The following DSCAML1 variants were observed in gnomAD, a reference collection of about 807,000 sequenced individuals.
DSCAML1 encodes the protein DS cell adhesion molecule like 1.
In DSCAML1, 38 loss-of-function variants were observed where a neutral mutation model predicts 200.5. That is an observed-to-expected ratio of 0.19 (90% CI 0.15 to 0.25). The LOEUF (loss-of-function observed/expected upper bound fraction) is 0.25. Among genes scored for constraint, DSCAML1 ranks in the 10% least tolerant of loss-of-function variants. DSCAML1 has a pLI of 1.00. For missense variants in DSCAML1, 2,223 were observed against 2,858.8 expected, an observed-to-expected ratio of 0.78 and a Z score of 5.07; for synonymous variants, 1,215 against 1,165.0, an observed-to-expected ratio of 1.04 and a Z score of -0.87.
chr11:117,443,384 C>G (rs1167803577), intron 21 of DSCAML1, among the ~76,000 whole-genome samples: 1 of 152,250 alleles, frequency 6.6e-6, no homozygotes, highest in African/African-American at 2.4e-5. Context: ...GATTCTAGCC[C>G]AGAGCCTTCC....
chr11:117,631,955 C>G (rs574644867), intron 3 of DSCAML1, among the ~76,000 whole-genome samples: 1 of 152,180 alleles, frequency 6.6e-6, no homozygotes, highest in Admixed American at 6.5e-5. Flanking sequence ...CTTAGAGGAG[C>G]GGCAAAGCCT....
At chr11:117,765,515 C>T (rs1212476851) in intron 3 of DSCAML1, among the ~76,000 whole-genome samples, 1 of 152,160 alleles carries the variant, frequency 6.6e-6, no homozygotes, top group Non-Finnish European at 1.5e-5. Flanking sequence ...AATGCTCACA[C>T]CTACGATCAC....
chr11:117,566,986 C>T (rs996410268), intron 3 of DSCAML1, among the ~76,000 whole-genome samples: 11 of 152,012 alleles, frequency 7.2e-5, no homozygotes, highest in African/African-American at 2.7e-4. Context: ...CATTGTTGGA[C>T]ATTTGGGTTG....
chr11:117,795,669 G>C (rs1382860569), intron 1 of DSCAML1, among the ~76,000 whole-genome samples: 1 of 152,228 alleles, frequency 6.6e-6, no homozygotes, highest in Non-Finnish European at 1.5e-5. Context: ...AATGCCAGCA[G>C]TATCTGGGCC....
upstream of DSCAML1, among the ~76,000 whole-genome samples, chr11:117,799,082 C>G (rs563974558): frequency 8.6e-4 from 131 of 152,272 alleles, no homozygotes; most frequent in African/African-American, 2.9e-3. Context: ...TGAGCCTTCC[C>G]CGAGGTCACG....
chr11:117,638,157 A>G (rs1284133539), intron 3 of DSCAML1, among the ~76,000 whole-genome samples: 1 of 152,180 alleles, frequency 6.6e-6, no homozygotes, highest in Non-Finnish European at 1.5e-5. Flanking sequence ...GTCAGTAAAC[A>G]TTATGAAGAG....
At chr11:117,574,684 C>A (rs2137444497) in intron 3 of DSCAML1, among the ~76,000 whole-genome samples, 1 of 152,318 alleles carries the variant, frequency 6.6e-6, no homozygotes, top group South Asian at 2.1e-4. Flanking sequence ...CAGGCCTGGA[C>A]TCAATGAGGA....
chr11:117,538,415 G>A (rs1267474673), intron 3 of DSCAML1, among the ~76,000 whole-genome samples: 1 of 152,164 alleles, frequency 6.6e-6, no homozygotes, highest in Non-Finnish European at 1.5e-5. Flanking sequence ...ATGAAGGGCC[G>A]GAGTAGCTGA....
At chr11:117,520,479 T>A (rs1205215443) in intron 6 of DSCAML1, among the ~76,000 whole-genome samples, 1 of 152,110 alleles carries the variant, frequency 6.6e-6, no homozygotes, top group Admixed American at 6.5e-5. Context: ...ACTGAAATTC[T>A]AGTAATTTCC....
chr11:117,499,919 C>T (rs1399435288), intron 11 of DSCAML1, among the ~76,000 whole-genome samples: 1 of 152,238 alleles, frequency 6.6e-6, no homozygotes, highest in Non-Finnish European at 1.5e-5. Flanking sequence ...CATCCAGACC[C>T]TCGGACTCCT....
chr11:117,793,171 G>C (rs368607896), intron 1 of DSCAML1, among the ~76,000 whole-genome samples: 1 of 152,166 alleles, frequency 6.6e-6, no homozygotes, highest in Non-Finnish European at 1.5e-5. Context: ...ATGCAAATCT[G>C]GGGTGTGCCC....
intron 3 of DSCAML1, among the ~76,000 whole-genome samples, chr11:117,726,266 C>T (rs4989508): frequency 0.77 from 112,283 of 145,668 alleles, 45,765 homozygotes; most frequent in Non-Finnish European, 0.9. Flanking sequence ...TGTGTGTGTG[C>T]GTGTGTGTGT....
chr11:117,811,685 G>A (rs865832645), intron 1 of DSCAML1, among the ~76,000 whole-genome samples: 1,978 of 152,016 alleles, frequency 0.013, 42 homozygotes, highest in African/African-American at 0.046. Flanking sequence ...CACTCCCAGA[G>A]CCCCTGGAAC....
upstream of DSCAML1, chr11:117,801,545 G>A (rs1333939426): frequency 6.6e-6 from 1 of 152,190 alleles, no homozygotes; most frequent in Admixed American, 6.5e-5. Flanking sequence ...TTCTTGAGAT[G>A]AGATGAATCA....
At chr11:117,432,242 A>C in intron 30 of DSCAML1, 110 bp downstream of exon 30, 1 of 1,265,928 alleles carries the variant, frequency 7.9e-7, no homozygotes, top group Middle Eastern at 2.8e-4. Context: ...TTTGCATTCT[A>C]TTCCATTAAG....
At chr11:117,802,010 G>A (rs903983545), upstream of DSCAML1, 1 of 152,262 alleles carries the variant, frequency 6.6e-6, no homozygotes, top group African/African-American at 2.4e-5. Context: ...TCTCTCTGGG[G>A]AGCAGTGGGG....
chr11:117,486,399 CGGATG>C (rs2049062612), intron 11 of DSCAML1, among the ~76,000 whole-genome samples: 2 of 150,656 alleles, frequency 1.3e-5, no homozygotes, highest in South Asian at 4.3e-4. Context: ...GTGAAAGTGG[CGGATG>C]GGAAAGTGGC....
intron 3 of DSCAML1, among the ~76,000 whole-genome samples, chr11:117,680,286 C>G (rs1565870752): frequency 6.6e-6 from 1 of 152,208 alleles, no homozygotes. Context: ...AGAACCCATG[C>G]CTTCCAGCCC....
chr11:117,804,152 G>A (rs2055687619), intron 1 of DSCAML1, among the ~76,000 whole-genome samples: 1 of 152,250 alleles, frequency 6.6e-6, no homozygotes, highest in Admixed American at 6.5e-5. Flanking sequence ...CGGCTCCTGG[G>A]GTGCCCCAGT....
Sources: allele counts gnomAD v4.1 joint callset (sites outside exome capture counted in the v4.1 genomes callset), GRCh38; gene constraint gnomAD v4.1.1; transcripts MANE v1.5; gene names NCBI Gene and HGNC (gene_info 2026-07-23, HGNC 2026-07-21).